NGF: variants seen among roughly 807,000 people sequenced by gnomAD.
NGF encodes the protein nerve growth factor.
A neutral mutation model predicts 12.8 loss-of-function variants in NGF; 4 were observed. The ratio of observed to expected loss-of-function variants is 0.31; its 90% CI spans 0.15 to 0.72. The LOEUF is 0.72. NGF is among the 30% of genes least tolerant of loss of function. The probability of loss-of-function intolerance (pLI) is 0.69; values close to 1 mark genes in which losing one functional copy is unlikely to be tolerated. For synonymous variants in NGF, 140 were observed against 130.0 expected (o/e 1.08, Z -0.52); for missense variants, 283 against 330.8 (o/e 0.86, Z 1.12).
At chr1:115,299,054 A>C (rs942179569) in intron 1 of NGF, among the ~76,000 whole-genome samples, 1 of 152,192 alleles carries the variant, frequency 6.6e-6, no homozygotes, top group African/African-American at 2.4e-5. Flanking sequence ...AGGTTTGCTG[A>C]GAAGGAGCTC....
At chr1:115,300,113 T>C (rs1297357663) in intron 1 of NGF, among the ~76,000 whole-genome samples, 2 of 152,230 alleles carry the variant, frequency 1.3e-5, no homozygotes, top group Admixed American at 1.3e-4. Context: ...CCTCGGCTCT[T>C]CTTGAGCTAG....
intron 1 of NGF, among the ~76,000 whole-genome samples, chr1:115,300,697 GAT>G (rs1654009003): frequency 6.6e-6 from 1 of 152,224 alleles, no homozygotes; most frequent in Non-Finnish European, 1.5e-5. Flanking sequence ...GCATGAAAGA[GAT>G]AACTCAGCCC....
Position 115,337,267 on chromosome 1 carries a change from G to GTTTTTTT in NGF, c.-137+930_-137+936dup, listed in dbSNP as rs67307707. On this transcript the variant is annotated intron_variant, in intron 1 of 2. Transcript: ENST00000369512. ...TCGAAATTTTTTTTGTTTTGTTTTT[G>GTTTTTTT]TTTTTTTTTTTTTTTTTTTTTTTTT... is the stretch of plus-strand genomic sequence containing the variant. Among the ~76,000 whole-genome samples the GTTTTTTT allele has an allele frequency of 2.8e-3, 224 of 80,974 alleles. 14 individuals are homozygous for GTTTTTTT. Among genetic ancestry groups the GTTTTTTT allele is most frequent in the Non-Finnish European group, 4.3e-3 (182 of 42,634 alleles). The allele number at this position is 80,974 out of a possible 152,430, so 53.1% of individuals were successfully genotyped here.
intron 1 of NGF, among the ~76,000 whole-genome samples, chr1:115,326,140 A>C (rs1654765448): frequency 6.6e-6 from 1 of 152,072 alleles, no homozygotes; most frequent in African/African-American, 2.4e-5. Context: ...AGGGCACACC[A>C]TATTTAGAGG....
chr1:115,334,459 G>T (rs1655057364), intron 1 of NGF, among the ~76,000 whole-genome samples: 1 of 152,080 alleles, frequency 6.6e-6, no homozygotes, highest in Admixed American at 6.6e-5. Flanking sequence ...TTTCCCATGG[G>T]TCATTTGTAG....
At chr1:115,335,408 C>T (rs983680321) in intron 1 of NGF, among the ~76,000 whole-genome samples, 5 of 152,206 alleles carry the variant, frequency 3.3e-5, no homozygotes, top group African/African-American at 1.2e-4. Context: ...TGCCAGTGTA[C>T]ACTGTTTTCT....
chr1:115,319,501 C>A (rs1405738366), intron 1 of NGF, among the ~76,000 whole-genome samples: 1 of 152,222 alleles, frequency 6.6e-6, no homozygotes, highest in Non-Finnish European at 1.5e-5. Context: ...TCTGGGATGG[C>A]TGCTCATCCT....
intron 2 of NGF, among the ~76,000 whole-genome samples, chr1:115,288,761 C>A (rs1214690439): frequency 6.6e-6 from 1 of 152,118 alleles, no homozygotes; most frequent in African/African-American, 2.4e-5. Flanking sequence ...CCGTGTCTGG[C>A]ATGTAGTAGG....
intron 1 of NGF, among the ~76,000 whole-genome samples, chr1:115,318,186 T>C (rs1000356014): frequency 2.0e-5 from 3 of 152,224 alleles, no homozygotes; most frequent in Admixed American, 6.5e-5. Context: ...GCCCCTTTCT[T>C]AGGCAGAGGC....
Position 115,286,572 on chromosome 1 carries a change from C to T in NGF, c.224G>A (p.Arg75Lys), listed in dbSNP as rs141486298. The change falls in exon 3 of 3, where the codon AGG becomes AAG. Residue 75 changes from arginine (R) to lysine (K), a missense_variant. This residue lies in a region of NGF where 151 missense variants were observed against 141.6 expected (regional missense o/e 1.07). Transcript: ENST00000369512. The part of the protein sequence containing the change: ...GQTRNITVDP[R>K]LFKKRRLRSP... ...ACGGAGTCGCCGCTTTTTAAACAGCCTGGGGTCCACAGTAATGTTGCGGGT... is the reference window on the plus strand; with the variant it reads ...ACGGAGTCGCCGCTTTTTAAACAGCTTGGGGTCCACAGTAATGTTGCGGGT... 38 of 1,614,058 alleles carry T rather than the reference C, an allele frequency of 2.4e-5. No homozygotes were observed. The African/African-American group carries it at 4.9e-4, about 21-fold the overall frequency.
chr1:115,291,171 A>C (rs1411505029), intron 2 of NGF, among the ~76,000 whole-genome samples: 1 of 152,214 alleles, frequency 6.6e-6, no homozygotes, highest in African/African-American at 2.4e-5. Context: ...TTTTAGGTTT[A>C]AAGTTTTTTT....
At chr1:115,320,771 T>C (rs1180004379) in intron 1 of NGF, among the ~76,000 whole-genome samples, 1 of 152,200 alleles carries the variant, frequency 6.6e-6, no homozygotes, top group African/African-American at 2.4e-5. Flanking sequence ...ATGAAGCCCA[T>C]GAAGTGTTGG....
At chr1:115,302,617 C>A (rs542799614) in intron 1 of NGF, among the ~76,000 whole-genome samples, 2 of 152,330 alleles carry the variant, frequency 1.3e-5, no homozygotes, top group African/African-American at 2.4e-5. Flanking sequence ...GTGAATCAGC[C>A]GAGTTTCTGG....
At chr1:115,321,385 C>T (rs1654619407) in intron 1 of NGF, among the ~76,000 whole-genome samples, 1 of 152,174 alleles carries the variant, frequency 6.6e-6, no homozygotes, top group Admixed American at 6.5e-5. Flanking sequence ...AATCAAGGAA[C>T]TTCATCCACC....
rs563068884 is a variant in NGF, at chr1:115,329,267, T to C, written c.-137+8937A>G. ...TATGTACTTCATACATCTATGTATG[T>C]ACTTCACAGATGTACTTCATACACT... On this transcript the variant is annotated intron_variant, in intron 1 of 2. Coordinates refer to ENST00000369512, the MANE Select transcript of NGF (RefSeq NM_002506.3). Among the ~76,000 whole-genome samples, 11 of 152,312 alleles carry C rather than the reference T, an allele frequency of 7.2e-5. No homozygotes were observed. In the South Asian group the frequency reaches 2.3e-3, roughly 32 times the overall value.
intron 2 of NGF, among the ~76,000 whole-genome samples, chr1:115,292,524 C>G (rs1653733737): frequency 6.6e-6 from 1 of 152,160 alleles, no homozygotes; most frequent in Non-Finnish European, 1.5e-5. Flanking sequence ...CGAGTCTAGC[C>G]TAATTCTTTA....
At chr1:115,323,343 C>G (rs1654680709) in intron 1 of NGF, among the ~76,000 whole-genome samples, 1 of 152,056 alleles carries the variant, frequency 6.6e-6, no homozygotes, top group South Asian at 2.1e-4. Flanking sequence ...CTGTGTCCAC[C>G]AAGAAGAGGA....
chr1:115,308,107 A>G (rs1444315093), intron 1 of NGF, among the ~76,000 whole-genome samples: 1 of 152,252 alleles, frequency 6.6e-6, no homozygotes, highest in Non-Finnish European at 1.5e-5. Flanking sequence ...GAGATAGATG[A>G]TGATGTACTT....
intron 1 of NGF, among the ~76,000 whole-genome samples, chr1:115,306,365 G>C (rs1654204799): frequency 6.6e-6 from 1 of 152,204 alleles, no homozygotes; most frequent in Admixed American, 6.5e-5. Flanking sequence ...GGATTCAATT[G>C]TCCAGGCTTC....
Sources: gnomAD v4.1 joint callset for allele counts (sites outside exome capture counted in the v4.1 genomes callset) on GRCh38, gnomAD v4.1.1 for gene constraint, gnomAD v4.1.1 regional missense constraint, MANE v1.5 for transcripts, NCBI Gene and HGNC (gene_info 2026-07-23, HGNC 2026-07-21) for gene names.